PCLO: variants seen among roughly 807,000 people sequenced by gnomAD.
PCLO encodes the protein protein piccolo.
In PCLO, 82 loss-of-function variants were observed where a neutral mutation model predicts 427.5. The observed-to-expected ratio is 0.19, with a 90% CI of 0.16 to 0.23. The LOEUF (loss-of-function observed/expected upper bound fraction) is 0.23. PCLO is among the 10% of genes least tolerant of loss of function. PCLO has a pLI of 1.00. For synonymous variants in PCLO, 2,357 were observed against 2,155.4 expected, an observed-to-expected ratio of 1.09 and a Z score of -2.59; for missense variants, 6,239 against 6,115.9, an observed-to-expected ratio of 1.02 and a Z score of -0.67.
chr7:83,085,590 T>C (rs1790211203), intron 3 of PCLO, among the ~76,000 whole-genome samples: 1 of 152,164 alleles, frequency 6.6e-6, no homozygotes, highest in African/African-American at 2.4e-5. Context: ...AAAGAGGCAC[T>C]TGTGGATGAA....
chr7:82,953,355 G>A lies in PCLO; in HGVS notation c.7598C>T (p.Pro2533Leu), dbSNP rs1425495652. ...ACTTGAAGTTAAAGATAGGCCTGTT[G>A]GTTTGGGGTGTATATCTGTTGGTTT... Reference protein sequence around the residue: ...TQKPTDIHPKPTGLSLTSSMT... With the variant: ...TQKPTDIHPKLTGLSLTSSMT... The change falls in exon 5 of 25, where the codon CCA (proline) becomes CTA (leucine). Residue 2533 changes from proline (P) to leucine (L), a missense_variant. Physicochemically the swap from Pro to Leu is moderately conservative, Grantham distance 98. Around this residue, in one of 5 missense-constraint regions of PCLO, gnomAD observed 4,677 missense variants for 4,468.4 expected, o/e 1.05. Coordinates refer to ENST00000333891, the MANE Select transcript of PCLO (RefSeq NM_033026.6). 3 of 1,613,734 alleles carry A rather than the reference G, an allele frequency of 1.9e-6. No individual in the cohort carries two copies. The highest frequency in any genetic ancestry group is 2.5e-6 in the Non-Finnish European group (3 of 1,179,830).
chr7:83,056,545 G>A (rs899562049), intron 3 of PCLO, among the ~76,000 whole-genome samples: 9 of 152,146 alleles, frequency 5.9e-5, no homozygotes, highest in South Asian at 2.1e-4. Flanking sequence ...GGTCAGAACC[G>A]TCACTTTGTG....
At chr7:83,123,464 C>A (rs766222139) in intron 3 of PCLO, among the ~76,000 whole-genome samples, 4 of 152,014 alleles carry the variant, frequency 2.6e-5, no homozygotes, top group African/African-American at 7.2e-5. Context: ...TTACCATATA[C>A]AAAAATGAAA....
At chr7:82,829,317 C>A (rs1449483235) in intron 16 of PCLO, among the ~76,000 whole-genome samples, 1 of 152,142 alleles carries the variant, frequency 6.6e-6, no homozygotes, top group African/African-American at 2.4e-5. Context: ...TTCCCTCTTG[C>A]CCCTGCTTAC....
At chr7:82,910,960 GAAC>G (rs1201328793) in intron 7 of PCLO, among the ~76,000 whole-genome samples, 2 of 151,990 alleles carry the variant, frequency 1.3e-5, no homozygotes, top group Non-Finnish European at 2.9e-5. Context: ...CATGAAAATA[GAAC>G]AATAATTTAT....
intron 9 of PCLO, among the ~76,000 whole-genome samples, chr7:82,892,299 C>A (rs908614742): frequency 6.6e-6 from 1 of 152,082 alleles, no homozygotes; most frequent in Non-Finnish European, 1.5e-5. Flanking sequence ...TGATCTTTGA[C>A]AAACCTGACA....
chr7:82,768,252 G>A (rs926687837), intron 22 of PCLO, among the ~76,000 whole-genome samples: 28 of 151,900 alleles, frequency 1.8e-4, no homozygotes, highest in African/African-American at 6.5e-4. Flanking sequence ...GCAAAAACCC[G>A]TCTTTACTAA....
intron 10 of PCLO, among the ~76,000 whole-genome samples, chr7:82,870,830 G>C (rs1366383145): frequency 6.6e-6 from 1 of 151,910 alleles, no homozygotes; most frequent in Non-Finnish European, 1.5e-5. Context: ...ATGGCCAACA[G>C]ATACATTAAA....
intron 3 of PCLO, among the ~76,000 whole-genome samples, chr7:83,082,124 C>G (rs895084848): frequency 6.6e-6 from 1 of 151,520 alleles, no homozygotes; most frequent in Non-Finnish European, 1.5e-5. Flanking sequence ...TATACACACA[C>G]ACACACACAC....
At chr7:82,936,116 C>T (rs1794948640) in intron 6 of PCLO, among the ~76,000 whole-genome samples, 1 of 151,596 alleles carries the variant, frequency 6.6e-6, no homozygotes, top group Non-Finnish European at 1.5e-5. Flanking sequence ...CAGCAGAGTG[C>T]ACATTCCTCT....
In PCLO at chr7:82,951,636, T is replaced by C; in HGVS notation, c.9098-146A>G. On this transcript the variant is annotated intron_variant, in intron 5 of 24. Coordinates refer to ENST00000333891, the MANE Select transcript of PCLO (RefSeq NM_033026.6). ...CTAATTATATGCGGAATGAAAGCAA[T>C]GTTGAACATGCAGGCGCATGCAGTG... is the stretch of plus-strand genomic sequence containing the variant. 4.6e-6 allele frequency: 4 copies of C among 865,290 alleles called. No homozygotes were observed. The South Asian group carries it at 5.5e-5, about 12-fold the overall frequency. 53.6% of individuals were successfully genotyped at this position (865,290 alleles called of 1,614,324 possible).
chr7:82,891,779 A>G (rs1051806982), intron 9 of PCLO, among the ~76,000 whole-genome samples: 2 of 152,108 alleles, frequency 1.3e-5, no homozygotes, highest in African/African-American at 4.8e-5. Context: ...CCTTTTGTGC[A>G]TCTATTGAGA....
intron 3 of PCLO, among the ~76,000 whole-genome samples, chr7:83,048,052 C>A (rs1245696066): frequency 6.6e-6 from 1 of 152,052 alleles, no homozygotes; most frequent in Non-Finnish European, 1.5e-5. Flanking sequence ...CTCCAGCATA[C>A]ACTCATCTTC....
rs766523894 is a variant in PCLO at position 82,949,663 on chromosome 7, G to A, written c.10925C>T (p.Pro3642Leu). Residue 3642 changes from proline to leucine, a missense_variant, in exon 6 of 25, where the codon CCT becomes CTT. Transcript: ENST00000333891. Reference protein sequence around the residue: ...PGKALESAFVPYEKPLPDDIS... With the variant: ...PGKALESAFVLYEKPLPDDIS... ...ATCATCAGGGAGGGGTTTTTCATAA[G>A]GTACAAAGGCTGATTCTAAGGCTTT... 1.2e-6 allele frequency: 2 copies of A among 1,613,844 alleles called. No homozygotes were observed. The highest frequency in any genetic ancestry group is 2.2e-5 in the South Asian group (2 of 91,080).
chr7:82,965,998 A>G lies in PCLO; in HGVS notation c.3790T>C (p.Leu1264=). The change falls in exon 4 of 25, where the codon TTA becomes CTA. Residue 1264 remains leucine, a synonymous_variant. Transcript: ENST00000333891. ...GCAATTTGTACTTGAGATTTAAGTA[A>G]GTCATGTTTCTGTTCTTCTGGGGCT... ...TSAPEEQKHD[L]LKSQVQIAEE... 1 of 1,613,684 alleles carries G rather than the reference A, an allele frequency of 6.2e-7. No individual in the cohort carries two copies. The highest frequency in any genetic ancestry group is 8.5e-7 in the Non-Finnish European group (1 of 1,179,836).
chr7:83,073,956 A>G (rs923194728), intron 3 of PCLO, among the ~76,000 whole-genome samples: 3 of 151,786 alleles, frequency 2.0e-5, no homozygotes, highest in African/African-American at 4.8e-5. Context: ...AACTTCTACA[A>G]TTAAATCTCA....
intron 3 of PCLO, among the ~76,000 whole-genome samples, chr7:83,057,112 C>A (rs1161435758): frequency 2.7e-5 from 4 of 149,426 alleles, no homozygotes; most frequent in African/African-American, 9.8e-5. Context: ...GAGATGGAGA[C>A]TCACTCTGTC....
At chr7:83,110,868 A>G (rs1028082860) in intron 3 of PCLO, among the ~76,000 whole-genome samples, 1 of 152,218 alleles carries the variant, frequency 6.6e-6, no homozygotes, top group Non-Finnish European at 1.5e-5. Flanking sequence ...AATTTCCTAT[A>G]TAGTCTGGTT....
chr7:83,053,570 A>C (rs2116275751), intron 3 of PCLO, among the ~76,000 whole-genome samples: 1 of 152,064 alleles, frequency 6.6e-6, no homozygotes, highest in Admixed American at 6.6e-5. Flanking sequence ...AAATTAATGC[A>C]GAGACTACTT....
Sources: gnomAD v4.1 joint callset for allele counts (sites outside exome capture counted in the v4.1 genomes callset) on GRCh38, gnomAD v4.1.1 for gene constraint, gnomAD v4.1.1 regional missense constraint, MANE v1.5 for transcripts, NCBI Gene and HGNC (gene_info 2026-07-23, HGNC 2026-07-21) for gene names.